The following HAL variants were observed in gnomAD, a reference collection of about 807,000 sequenced individuals.
HAL encodes the protein histidase.
HAL carries 85 observed loss-of-function variants against 81.1 expected under a neutral mutation model. The ratio of observed to expected loss-of-function variants is 1.05; its 90% CI spans 0.88 to 1.25. HAL has a LOEUF of 1.25. HAL is among the 50% of genes most tolerant of loss of function. The pLI is 0.00. For missense variants in HAL, 798 were observed against 836.6 expected, an observed-to-expected ratio of 0.95 and a Z score of 0.57; for synonymous variants, 301 against 309.2, an observed-to-expected ratio of 0.97 and a Z score of 0.28.
chr12:95,988,534 T>C lies in HAL; in HGVS notation c.856-294A>G, dbSNP rs145087110. 9.2e-5 allele frequency among the ~76,000 whole-genome samples: 14 copies of C among 152,312 alleles called. 1 individual carries two copies. The East Asian group carries it at 2.1e-3, about 23-fold the overall frequency. On this transcript the variant is annotated intron_variant, in intron 10 of 20. Coordinates refer to ENST00000261208, the MANE Select transcript of HAL (RefSeq NM_002108.4). Reference sequence around the variant, plus strand: ...CGTCCTTCGTGTTCAGTTTCTACCTTAGCAGTTCACCTTTTTTACCACTGC... The same window carrying C: ...CGTCCTTCGTGTTCAGTTTCTACCTCAGCAGTTCACCTTTTTTACCACTGC...
intron 2 of HAL, 95 bp downstream of exon 2, chr12:95,995,569 T>C (rs560774811): frequency 3.2e-6 from 5 of 1,547,014 alleles, no homozygotes; most frequent in African/African-American, 2.7e-5. Flanking sequence ...GCCTGACCTC[T>C]GCTCATCATT....
intron 10 of HAL, among the ~76,000 whole-genome samples, chr12:95,988,804 T>C (rs1949929901): frequency 6.6e-6 from 1 of 151,902 alleles, no homozygotes. Flanking sequence ...GAGGGGGCGA[T>C]GGGCAGAACA....
rs1473215948 is a variant in HAL, at chr12:95,993,910, A to G, written c.484+16T>C. ...TTGTTTATAAAAATATTTATAACAT[A>G]AAGATAAAAAGATACCTGTTTTCTC... is the stretch of plus-strand genomic sequence containing the variant. On this transcript the variant is annotated intron_variant, in intron 6 of 20. Coordinates refer to ENST00000261208, the MANE Select transcript of HAL (RefSeq NM_002108.4). The G allele has an allele frequency of 1.3e-6, 2 of 1,519,212 alleles. No homozygotes were observed. Among genetic ancestry groups the G allele is most frequent in the Non-Finnish European group, 9.1e-7 (1 of 1,093,982 alleles). The allele number at this position is 1,519,212 out of a possible 1,614,324, so 94.1% of individuals were successfully genotyped here.
intron 15 of HAL, among the ~76,000 whole-genome samples, chr12:95,982,938 C>T (rs1223486940): frequency 1.3e-5 from 2 of 152,164 alleles, no homozygotes; most frequent in Non-Finnish European, 2.9e-5. Context: ...GGGAACTGAG[C>T]CATCATGGAA....
chr12:95,976,370 C>T, intron 20 of HAL, 59 bp downstream of exon 20: 1 of 1,330,510 alleles, frequency 7.5e-7, no homozygotes. Flanking sequence ...TTCTCCATCC[C>T]CGACTTTGCT....
At chr12:95,982,561 TGG>T (rs1178344210) in intron 15 of HAL, among the ~76,000 whole-genome samples, 3 of 152,302 alleles carry the variant, frequency 2.0e-5, no homozygotes, top group Admixed American at 6.5e-5. Flanking sequence ...ATCTGGGGGA[TGG>T]GGTGGTATTG....
rs1227252788 is a variant in HAL at position 95,979,270 on chromosome 12, TAAGC to T, written c.1520-1196_1520-1193del. 2.0e-5 allele frequency among the ~76,000 whole-genome samples: 3 copies of T among 152,296 alleles called. No individual in the cohort carries two copies. The East Asian group carries it at 5.8e-4, about 29-fold the overall frequency. On this transcript the variant is annotated intron_variant, in intron 17 of 20. Coordinates refer to ENST00000261208, the MANE Select transcript of HAL (RefSeq NM_002108.4). Reference sequence around the variant, plus strand: ...ACCTGTTAAAGGGGTATTTTATTAATAAGCAAGTAAGCAAATAGAAGATACCGGT... The same window carrying T: ...ACCTGTTAAAGGGGTATTTTATTAATAAGTAAGCAAATAGAAGATACCGGT...
In HAL at chr12:95,976,591, A is replaced by G. The variant is rs376659856; in HGVS notation, c.1763+7T>C. ...GATGTAATTTTCAGAGACCTGTTTG[A>G]TCTTACCTTACAACAGAGCGCACCA... On this transcript the variant is annotated splice_region_variant and intron_variant, in intron 19 of 20. Coordinates refer to ENST00000261208, the MANE Select transcript of HAL (RefSeq NM_002108.4). 21 of 1,601,226 alleles carry G rather than the reference A, an allele frequency of 1.3e-5. No individual in the cohort carries two copies. The South Asian group carries it at 2.0e-4, about 15-fold the overall frequency.
At position 95,995,995 on chromosome 12, in the gene HAL, G is replaced by A; in HGVS notation, c.-81-4C>T. ...GTGGCTACCGGGGTGTGGTCAGCTG[G>A]AAGGATGAGAATAGACTTTCAAACC... On this transcript the variant is annotated splice_region_variant and splice_polypyrimidine_tract_variant and intron_variant, in intron 1 of 20. Coordinates refer to ENST00000261208, the MANE Select transcript of HAL (RefSeq NM_002108.4). 7.3e-7 allele frequency: 1 copy of A among 1,369,802 alleles called. No individual in the cohort carries two copies. Among genetic ancestry groups the A allele is most frequent in the South Asian group, 1.2e-5 (1 of 83,446 alleles). The allele number at this position is 1,369,802 out of a possible 1,614,324, so 84.9% of individuals were successfully genotyped here. A position where few individuals can be genotyped will look rare whatever the true frequency, so the allele number is the denominator to read the frequency against.
rs758385603 is a variant in HAL, at chr12:95,994,015, C to G, written c.412-17G>C. The G allele has an allele frequency of 1.0e-5, 16 of 1,607,478 alleles. No homozygotes were observed. The highest frequency in any genetic ancestry group is 1.4e-5 in the Non-Finnish European group (16 of 1,174,078). ...TGGGGTGAGCTAGGAAAATGTTGATCAGAACTGAGCACGTTAAAGACTTCC... is the reference window on the plus strand; with the variant it reads ...TGGGGTGAGCTAGGAAAATGTTGATGAGAACTGAGCACGTTAAAGACTTCC... On this transcript the variant is annotated splice_polypyrimidine_tract_variant and intron_variant, in intron 5 of 20. Coordinates refer to ENST00000261208, the MANE Select transcript of HAL (RefSeq NM_002108.4).
Position 95,993,959 on chromosome 12 carries a change from C to T in HAL, c.451G>A (p.Glu151Lys), listed in dbSNP as rs1255691891. ...TCTTTTATGATGCTATCTATGACCT[C>T]CCTGGATTTCTGCACCCTCTTCTCA... ...TAEKRVQKSR[E>K]VIDSIIKEKT... The change falls in exon 6 of 21, where the codon GAG (glutamate) becomes AAG (lysine). Residue 151 changes from glutamate to lysine, a missense_variant. Glu to Lys is a moderately conservative substitution (Grantham distance 56). Transcript: ENST00000261208. The T allele has an allele frequency of 6.2e-7, 1 of 1,610,152 alleles. No individual in the cohort carries two copies. The highest frequency in any genetic ancestry group is 8.5e-7 in the Non-Finnish European group (1 of 1,176,456).
chr12:95,991,520 C>T (rs937349120), intron 9 of HAL, among the ~76,000 whole-genome samples: 33 of 152,288 alleles, frequency 2.2e-4, no homozygotes, highest in Middle Eastern at 3.4e-3. Flanking sequence ...ACTCCACTGC[C>T]CCTTATCAAT....
In HAL at chr12:95,994,970, G is replaced by A. The variant is rs1565995256; in HGVS notation, c.271C>T (p.Pro91Ser). The change falls in exon 3 of 21, where the codon CCT becomes TCT. Residue 91 changes from proline (P) to serine (S), a missense_variant. By Grantham distance (74) the Pro-to-Ser change is moderately conservative. Coordinates refer to ENST00000261208, the MANE Select transcript of HAL (RefSeq NM_002108.4). ...TCTGGTTGAGATGGAATGAAGTCAG[G>A]AGACATGGCATCACCCTCTATAACT... ...EVVIEGDAMS[P>S]DFIPSQPEGV... The A allele has an allele frequency of 1.2e-5, 19 of 1,612,370 alleles. No homozygotes were observed. Among genetic ancestry groups the A allele is most frequent in the Non-Finnish European group, 1.6e-5 (19 of 1,178,568 alleles).
At chr12:95,980,391 AATATT>A (rs1260040814) in intron 17 of HAL, among the ~76,000 whole-genome samples, 160 bp downstream of exon 17, 5 of 152,174 alleles carry the variant, frequency 3.3e-5, no homozygotes, top group African/African-American at 1.2e-4. Flanking sequence ...TTTTCTGAAA[AATATT>A]AGAGTTAACC....
At chr12:95,974,873 G>A (rs1244690971) in intron 20 of HAL, among the ~76,000 whole-genome samples, 1 of 152,142 alleles carries the variant, frequency 6.6e-6, no homozygotes, top group African/African-American at 2.4e-5. Flanking sequence ...CTGAGTAGCT[G>A]GGATTACAGG....
At chr12:95,974,880 C>G (rs2080697997) in intron 20 of HAL, among the ~76,000 whole-genome samples, 1 of 152,152 alleles carries the variant, frequency 6.6e-6, no homozygotes, top group Non-Finnish European at 1.5e-5. Flanking sequence ...GCTGGGATTA[C>G]AGGTGCATGC....
At chr12:95,975,671 C>T (rs552302755) in intron 20 of HAL, among the ~76,000 whole-genome samples, 13 of 152,290 alleles carry the variant, frequency 8.5e-5, no homozygotes, top group African/African-American at 3.1e-4. Context: ...CGTATACCTC[C>T]CTCCTAGCAC....
At chr12:95,995,302 G>A (rs144625194) in intron 2 of HAL, 3 of 563,440 alleles carry the variant, frequency 5.3e-6, no homozygotes, top group Non-Finnish European at 9.5e-6. Context: ...CTCCAGTCTG[G>A]GGGTGGGGGT....
chr12:95,982,465 A>C (rs2080805969), intron 15 of HAL, among the ~76,000 whole-genome samples: 3 of 152,234 alleles, frequency 2.0e-5, no homozygotes, highest in African/African-American at 7.2e-5. Context: ...GCAATGATGT[A>C]AATGTAGAAT....
Sources: gnomAD v4.1 joint callset for allele counts (sites outside exome capture counted in the v4.1 genomes callset) on GRCh38, gnomAD v4.1.1 for gene constraint, MANE v1.5 for transcripts, NCBI Gene and HGNC (gene_info 2026-07-23, HGNC 2026-07-21) for gene names.